GPR149: variants seen among roughly 807,000 people sequenced by gnomAD.
GPR149 encodes G protein-coupled receptor 149, also known as probable G protein-coupled receptor 149.
Under a neutral mutation model 50.2 loss-of-function variants are expected in GPR149, and 50 were observed. The ratio of observed to expected loss-of-function variants is 1.00; its 90% CI spans 0.79 to 1.26. The LOEUF (loss-of-function observed/expected upper bound fraction) is 1.26. GPR149 is among the 50% of genes most tolerant of loss of function. The pLI is 0.00. For missense variants in GPR149, 983 were observed against 895.4 expected (o/e 1.10, Z -1.25); for synonymous variants, 405 against 358.2 (o/e 1.13, Z -1.48).
intron 3 of GPR149, among the ~76,000 whole-genome samples, chr3:154,419,175 T>C (rs1205097555): frequency 1.3e-5 from 2 of 152,064 alleles, no homozygotes; most frequent in Non-Finnish European, 1.5e-5. Context: ...ATTTAACAAG[T>C]CAATATTTAT....
At chr3:154,388,165 T>C (rs892379509) in intron 3 of GPR149, among the ~76,000 whole-genome samples, 6 of 152,164 alleles carry the variant, frequency 3.9e-5, no homozygotes, top group African/African-American at 1.4e-4. Flanking sequence ...AGTTAATGAG[T>C]TATTTAGAAA....
rs1559976168 is a variant in GPR149, at chr3:154,367,344, C to CT, written c.1624-29074_1624-29073insA. 6.5e-4 allele frequency among the ~76,000 whole-genome samples: 9 copies of CT among 13,790 alleles called. No homozygotes were observed. The Admixed American group carries it at 6.8e-3, about 10-fold the overall frequency. 9.0% of individuals were successfully genotyped at this position (13,790 alleles called of 152,430 possible). A position where few individuals can be genotyped will look rare whatever the true frequency, so the allele number is the denominator to read the frequency against. The stretch of plus-strand genomic sequence containing the variant: ...TCTCTCCCTCTCTCCCTTCCCCCCC[C>CT]CGAAACTAAAAGGAATGTTAAAAGC... On this transcript the variant is annotated intron_variant, in intron 3 of 3. Coordinates refer to ENST00000389740, the MANE Select transcript of GPR149 (RefSeq NM_001038705.3).
At chr3:154,414,269 A>G (rs930097044) in intron 3 of GPR149, among the ~76,000 whole-genome samples, 3 of 152,028 alleles carry the variant, frequency 2.0e-5, no homozygotes, top group African/African-American at 7.2e-5. Context: ...GGACTTATTC[A>G]TGTAACCAAA....
chr3:154,372,443 C>T (rs1490907352), intron 3 of GPR149, among the ~76,000 whole-genome samples: 3 of 152,166 alleles, frequency 2.0e-5, no homozygotes, highest in Admixed American at 6.5e-5. Flanking sequence ...TACCTATGCT[C>T]CCAATTCCAA....
chr3:154,358,231 G>A (rs1014175566), intron 3 of GPR149, among the ~76,000 whole-genome samples: 1 of 151,992 alleles, frequency 6.6e-6, no homozygotes, highest in Non-Finnish European at 1.5e-5. Context: ...CATGTCACAT[G>A]TATACATATG....
chr3:154,429,149 G>A lies in GPR149; in HGVS notation c.467C>T (p.Thr156Ile). ...RSGQVLGVVL[T>I]VWAASLLLSA... ...GAGCAGCAGACTGGCTGCCCACACG[G>A]TCAGCACCACGCCGAGCACCTGGCC... Residue 156 changes from threonine to isoleucine, a missense_variant, in exon 1 of 4, where the codon ACC becomes ATC. By Grantham distance (89) the Thr-to-Ile change is moderately conservative. Transcript: ENST00000389740. The A allele has an allele frequency of 6.2e-7, 1 of 1,613,682 alleles. No homozygotes were observed. Among genetic ancestry groups the A allele is most frequent in the Non-Finnish European group, 8.5e-7 (1 of 1,179,920 alleles).
At chr3:154,422,624 C>T (rs1246073881) in intron 2 of GPR149, among the ~76,000 whole-genome samples, 1 of 151,670 alleles carries the variant, frequency 6.6e-6, no homozygotes, top group Non-Finnish European at 1.5e-5. Flanking sequence ...AAATGTTTCT[C>T]AGAATCTAAG....
rs955543466 is a variant in GPR149, at chr3:154,376,962, A to C, written c.1624-38691T>G. Among the ~76,000 whole-genome samples the C allele has an allele frequency of 2.6e-5, 4 of 152,260 alleles. No individual in the cohort carries two copies. In the South Asian group the frequency reaches 8.3e-4, roughly 32 times the overall value. Reference sequence around the variant, plus strand: ...TAAATAAAATAAGGTGAAATAATGAAATAAAACAAATGTGTAAAGTATTTA... The same window carrying C: ...TAAATAAAATAAGGTGAAATAATGACATAAAACAAATGTGTAAAGTATTTA... On this transcript the variant is annotated intron_variant, in intron 3 of 3. Transcript: ENST00000389740.
intron 3 of GPR149, among the ~76,000 whole-genome samples, chr3:154,404,389 A>G (rs985113339): frequency 1.3e-5 from 2 of 152,158 alleles, no homozygotes; most frequent in Admixed American, 6.5e-5. Flanking sequence ...GGTGTTCTTT[A>G]TAAGTTACAT....
intron 3 of GPR149, among the ~76,000 whole-genome samples, chr3:154,346,438 A>G (rs896912162): frequency 2.0e-5 from 3 of 152,170 alleles, no homozygotes; most frequent in Non-Finnish European, 4.4e-5. Context: ...CAAATTAGAG[A>G]AAACACAAGA....
intron 3 of GPR149, among the ~76,000 whole-genome samples, chr3:154,349,474 T>C (rs189676865): frequency 5.5e-4 from 84 of 152,282 alleles, no homozygotes; most frequent in African/African-American, 1.7e-3. Context: ...CCTTTACACA[T>C]TCAAATTTGA....
In GPR149 at chr3:154,421,232, T is replaced by G; in HGVS notation, c.1430A>C (p.Asp477Ala). The G allele has an allele frequency of 7.4e-6, 12 of 1,613,592 alleles. No homozygotes were observed. The highest frequency in any genetic ancestry group is 1.0e-5 in the Non-Finnish European group (12 of 1,179,638). Residue 477 changes from aspartate to alanine, a missense_variant, in exon 3 of 4, where the codon GAT (aspartate) becomes GCT (alanine). Physicochemically the swap from Asp to Ala is moderately radical, Grantham distance 126. Coordinates refer to ENST00000389740, the MANE Select transcript of GPR149 (RefSeq NM_001038705.3). Reference sequence around the variant, plus strand: ...GGAATCCTGTTTAGCTTCTGTAATATCAGTATTTGTGCATTTGTTGATGCC... The same window carrying G: ...GGAATCCTGTTTAGCTTCTGTAATAGCAGTATTTGTGCATTTGTTGATGCC... ...QRGINKCTNT[D>A]ITEAKQDSNN... is the part of the protein sequence containing the mutation.
intron 3 of GPR149, among the ~76,000 whole-genome samples, chr3:154,418,365 G>T (rs9833172): frequency 4.7e-5 from 4 of 85,962 alleles, no homozygotes; most frequent in East Asian, 2.8e-4. Flanking sequence ...CACATGCACA[G>T]GTATGTTTAT....
intron 3 of GPR149, among the ~76,000 whole-genome samples, chr3:154,385,433 T>C (rs1483366890): frequency 6.6e-6 from 1 of 152,188 alleles, no homozygotes; most frequent in East Asian, 1.9e-4. Flanking sequence ...CCAATCATTG[T>C]CCTCTTTGTG....
chr3:154,424,430 T>C (rs1712236606), intron 2 of GPR149, among the ~76,000 whole-genome samples: 1 of 151,804 alleles, frequency 6.6e-6, no homozygotes, highest in Non-Finnish European at 1.5e-5. Context: ...GAATAACATA[T>C]GATTTCAAAA....
intron 1 of GPR149, among the ~76,000 whole-genome samples, 159 bp from the exon 2 acceptor site, chr3:154,427,867 G>C (rs931554094): frequency 2.6e-5 from 4 of 152,184 alleles, no homozygotes; most frequent in African/African-American, 9.7e-5. Context: ...CTTGGTGATG[G>C]GCTCCTGGGA....
intron 3 of GPR149, among the ~76,000 whole-genome samples, chr3:154,342,700 G>A (rs1713824682): frequency 6.6e-6 from 1 of 152,118 alleles, no homozygotes; most frequent in Admixed American, 6.5e-5. Flanking sequence ...TGGCCACCAT[G>A]CCTGGCCTTA....
At chr3:154,424,953 C>T (rs548098644) in intron 2 of GPR149, among the ~76,000 whole-genome samples, 44 of 150,882 alleles carry the variant, frequency 2.9e-4, no homozygotes, top group Non-Finnish European at 5.5e-4. Flanking sequence ...ATTTAAAAAA[C>T]GTCATGTCAG....
Position 154,429,211 on chromosome 3 carries a change from G to T in GPR149, c.405C>A (p.His135Gln), listed in dbSNP as rs778286864. Residue 135 changes from histidine (H) to glutamine (Q), a missense_variant, in exon 1 of 4, where the codon CAC becomes CAA. His to Gln is a conservative substitution (Grantham distance 24, BLOSUM62 0). Coordinates refer to ENST00000389740, the MANE Select transcript of GPR149 (RefSeq NM_001038705.3). ...AGGCTGTCTGGCTCCCCACACCTCTGTGCATCGTATAAAAGTTGTAAGAGA... is the reference window on the plus strand; with the variant it reads ...AGGCTGTCTGGCTCCCCACACCTCTTTGCATCGTATAAAAGTTGTAAGAGA... ...LLVSYNFYTM[H>Q]RGVGSQTASR... The T allele has an allele frequency of 6.2e-7, 1 of 1,614,042 alleles. No individual in the cohort carries two copies. Among genetic ancestry groups the T allele is most frequent in the Non-Finnish European group, 8.5e-7 (1 of 1,180,048 alleles).
Sources: allele counts gnomAD v4.1 joint callset (sites outside exome capture counted in the v4.1 genomes callset), GRCh38; gene constraint gnomAD v4.1.1; transcripts MANE v1.5; gene names NCBI Gene and HGNC (gene_info 2026-07-23, HGNC 2026-07-21).